The following CSMD1 variants were observed in gnomAD, a reference collection of about 807,000 sequenced individuals.
CSMD1 encodes the protein CUB and sushi domain-containing protein 1.
A neutral mutation model predicts 417.5 loss-of-function variants in CSMD1; 213 were observed. That is an observed-to-expected ratio of 0.51 (90% confidence interval 0.46 to 0.57). The LOEUF (loss-of-function observed/expected upper bound fraction) is 0.57. Among genes scored for constraint, CSMD1 ranks in the 20% least tolerant of loss-of-function variants. The pLI is 0.00. For missense variants in CSMD1, 6,923 were observed against 4,529.7 expected (o/e 1.53, Z -15.17); for synonymous variants, 2,862 against 1,736.8 (o/e 1.65, Z -16.11).
chr8:4,193,002 C>A (rs921981216), intron 3 of CSMD1, among the ~76,000 whole-genome samples: 4 of 152,186 alleles, frequency 2.6e-5, no homozygotes, highest in Non-Finnish European at 5.9e-5. Context: ...GCAATCATAT[C>A]TTTGTAACTC....
At chr8:3,821,625 T>C (rs1013537620) in intron 5 of CSMD1, among the ~76,000 whole-genome samples, 1 of 151,990 alleles carries the variant, frequency 6.6e-6, no homozygotes, top group Admixed American at 6.6e-5. Flanking sequence ...CTACTAATAA[T>C]ACAAAAATTA....
At chr8:3,287,285 G>C (rs1200879830) in intron 25 of CSMD1, among the ~76,000 whole-genome samples, 2 of 151,766 alleles carry the variant, frequency 1.3e-5, no homozygotes, top group Admixed American at 6.6e-5. Flanking sequence ...GGTGATTCGG[G>C]CTCTTTTTTG....
chr8:3,484,256 C>T (rs1397710561), intron 11 of CSMD1, among the ~76,000 whole-genome samples: 1 of 152,146 alleles, frequency 6.6e-6, no homozygotes, highest in Non-Finnish European at 1.5e-5. Flanking sequence ...TGTAACAGAA[C>T]AGAGAGCTCA....
At chr8:3,964,604 T>G (rs1288086315) in intron 5 of CSMD1, among the ~76,000 whole-genome samples, 1 of 152,182 alleles carries the variant, frequency 6.6e-6, no homozygotes, top group African/African-American at 2.4e-5. Flanking sequence ...AAATCCCAAT[T>G]GTAATGTTTT....
chr8:4,129,298 A>G (rs60886194), intron 3 of CSMD1, among the ~76,000 whole-genome samples: 23,468 of 152,020 alleles, frequency 0.15, 1,933 homozygotes, highest in Middle Eastern at 0.19. Context: ...CACAGTCATT[A>G]TCTTCTCCCT....
chr8:3,221,547 A>G (rs111978922), intron 28 of CSMD1, among the ~76,000 whole-genome samples: 3 of 151,980 alleles, frequency 2.0e-5, no homozygotes, highest in African/African-American at 7.2e-5. Context: ...CAAACAAACA[A>G]ACAAACAAAC....
At chr8:3,525,535 T>C (rs1404439559) in intron 10 of CSMD1, among the ~76,000 whole-genome samples, 6 of 152,154 alleles carry the variant, frequency 3.9e-5, no homozygotes, top group Non-Finnish European at 4.4e-5. Flanking sequence ...TCTGAAAATA[T>C]TGGTGAAAGC....
intron 3 of CSMD1, among the ~76,000 whole-genome samples, chr8:4,271,829 C>T (rs1423443837): frequency 1.3e-5 from 2 of 152,076 alleles, no homozygotes; most frequent in African/African-American, 2.4e-5. Flanking sequence ...ATTACTTGGT[C>T]CTGGCAGCGC....
intron 2 of CSMD1, among the ~76,000 whole-genome samples, chr8:4,424,383 A>G (rs1797424120): frequency 6.6e-6 from 1 of 151,710 alleles, no homozygotes; most frequent in African/African-American, 2.4e-5. Flanking sequence ...GGCAACAAGC[A>G]GAAAAGTCAG....
intron 17 of CSMD1, among the ~76,000 whole-genome samples, 177 bp from the exon 18 acceptor site, chr8:3,387,859 G>C (rs182371690): frequency 6.6e-6 from 1 of 152,092 alleles, no homozygotes; most frequent in Non-Finnish European, 1.5e-5. Context: ...ATTTGACCTC[G>C]TTTTTTAAAA....
chr8:4,822,386 A>G (rs1266963755), intron 1 of CSMD1, among the ~76,000 whole-genome samples: 1 of 152,128 alleles, frequency 6.6e-6, no homozygotes, highest in Non-Finnish European at 1.5e-5. Context: ...TTTGACCTCA[A>G]CTGGCCTAGT....
chr8:3,308,606 G>T (rs968990065), intron 23 of CSMD1, 103 bp from the exon 24 acceptor site: 4 of 868,468 alleles, frequency 4.6e-6, no homozygotes, highest in Non-Finnish European at 7.0e-6. Flanking sequence ...TTGAAGGGTA[G>T]GGAGAAAAAA....
intron 12 of CSMD1, among the ~76,000 whole-genome samples, chr8:3,417,252 C>A (rs115097597): frequency 1.3e-5 from 2 of 152,134 alleles, no homozygotes; most frequent in Non-Finnish European, 2.9e-5. Context: ...AAATTCCATA[C>A]GGTTTGCTAC....
chr8:4,810,133 G>C (rs544329874), intron 1 of CSMD1, among the ~76,000 whole-genome samples: 61 of 152,250 alleles, frequency 4.0e-4, no homozygotes, highest in African/African-American at 1.4e-3. Flanking sequence ...AAGGATTTAA[G>C]CCTACCATTT....
intron 12 of CSMD1, among the ~76,000 whole-genome samples, chr8:3,455,827 C>G (rs994000763): frequency 1.5e-4 from 23 of 152,354 alleles, no homozygotes; most frequent in Admixed American, 4.6e-4. Flanking sequence ...AACCACTACT[C>G]TCTTCAAAGA....
At chr8:3,885,980 T>C (rs1806536663) in intron 5 of CSMD1, among the ~76,000 whole-genome samples, 1 of 152,052 alleles carries the variant, frequency 6.6e-6, no homozygotes, top group Admixed American at 6.6e-5. Context: ...CAATATTGAT[T>C]CAAATTATAT....
rs910501108 is a variant in CSMD1, at chr8:3,162,687, A to G, written c.5726-410T>C. Among the ~76,000 whole-genome samples, 5 of 151,696 alleles carry G rather than the reference A, an allele frequency of 3.3e-5. No homozygotes were observed. In the South Asian group the frequency reaches 6.2e-4, roughly 19 times the overall value. ...TTAGCAGTCTTTATATAAAAAAATT[A>G]TGTGTGAATCTTGGAATTCTGTTCT... On this transcript the variant is annotated intron_variant, in intron 37 of 69. Transcript: ENST00000635120.
chr8:4,056,088 T>G (rs1275553720), intron 3 of CSMD1, among the ~76,000 whole-genome samples: 1 of 145,740 alleles, frequency 6.9e-6, no homozygotes. Context: ...CTTTTTTTTT[T>G]TTTTTTTTTT....
At chr8:3,619,635 A>G (rs1348835559) in intron 7 of CSMD1, among the ~76,000 whole-genome samples, 1 of 152,194 alleles carries the variant, frequency 6.6e-6, no homozygotes, top group Non-Finnish European at 1.5e-5. Context: ...CAAGAGATCC[A>G]CAGCAAGACA....
Sources: gnomAD v4.1 joint callset for allele counts (sites outside exome capture counted in the v4.1 genomes callset) on GRCh38, gnomAD v4.1.1 for gene constraint, MANE v1.5 for transcripts, NCBI Gene and HGNC (gene_info 2026-07-23, HGNC 2026-07-21) for gene names.